PRKCA: variants seen among roughly 807,000 people sequenced by gnomAD.
PRKCA encodes the protein protein kinase C alpha.
Under a neutral mutation model 87.0 loss-of-function variants are expected in PRKCA, and 27 were observed. The observed-to-expected ratio is 0.31, with a 90% confidence interval of 0.23 to 0.43. The LOEUF is 0.43. Among genes scored for constraint, PRKCA ranks in the 20% least tolerant of loss-of-function variants. The probability of loss-of-function intolerance (pLI) is 1.00; values close to 1 mark genes in which losing one functional copy is unlikely to be tolerated. For synonymous variants in PRKCA, 329 were observed against 311.1 expected, an observed-to-expected ratio of 1.06 and a Z score of -0.61; for missense variants, 518 against 852.3, an observed-to-expected ratio of 0.61 and a Z score of 4.88.
intron 3 of PRKCA, among the ~76,000 whole-genome samples, chr17:66,589,210 TC>T (rs1393870443): frequency 1.2e-4 from 18 of 152,146 alleles, no homozygotes; most frequent in Admixed American, 3.3e-4. Flanking sequence ...TAGAAGCAAT[TC>T]ATTTCATTAC....
chr17:66,690,015 CCTT>C (rs1296772949), intron 8 of PRKCA, among the ~76,000 whole-genome samples: 2 of 152,094 alleles, frequency 1.3e-5, no homozygotes, highest in Admixed American at 1.3e-4. Flanking sequence ...CTCCTCTTTT[CCTT>C]CTTCTGTTGT....
At chr17:66,621,119 T>C (rs935145246) in intron 3 of PRKCA, among the ~76,000 whole-genome samples, 1 of 152,222 alleles carries the variant, frequency 6.6e-6, no homozygotes. Flanking sequence ...GACTTTGATG[T>C]TCATCAAGAT....
chr17:66,396,213 A>T (rs1367000666), intron 2 of PRKCA, among the ~76,000 whole-genome samples: 5 of 152,208 alleles, frequency 3.3e-5, no homozygotes, highest in African/African-American at 1.2e-4. Flanking sequence ...TTTCAGGTTC[A>T]GCTGCAAATG....
At chr17:66,505,205 T>C (rs547939759) in intron 3 of PRKCA, among the ~76,000 whole-genome samples, 1 of 152,286 alleles carries the variant, frequency 6.6e-6, no homozygotes, top group South Asian at 2.1e-4. Flanking sequence ...ACCAAATTAA[T>C]TTAGCCGGGA....
chr17:66,527,398 G>A (rs1967382977), intron 3 of PRKCA, among the ~76,000 whole-genome samples: 1 of 152,218 alleles, frequency 6.6e-6, no homozygotes, highest in Non-Finnish European at 1.5e-5. Flanking sequence ...ACAAATTGCA[G>A]ATTAGAGGAC....
In PRKCA at chr17:66,524,303, A is replaced by C. The variant is rs182422712; in HGVS notation, c.288+28020A>C. ...TGTTGCTTGCGATTCAGATTCCTTT[A>C]AAGTTAGCAAAGAGCATTTTTGTTA... On this transcript the variant is annotated intron_variant, in intron 3 of 16. Transcript: ENST00000413366. Among the ~76,000 whole-genome samples the C allele has an allele frequency of 7.2e-5, 11 of 152,322 alleles. No homozygotes were observed. In the East Asian group the frequency reaches 2.1e-3, roughly 29 times the overall value.
At chr17:66,739,319 A>C (rs1974105033) in intron 11 of PRKCA, among the ~76,000 whole-genome samples, 1 of 152,186 alleles carries the variant, frequency 6.6e-6, no homozygotes, top group Non-Finnish European at 1.5e-5. Flanking sequence ...GTTCCTAAGG[A>C]GCAGTTTATT....
intron 2 of PRKCA, among the ~76,000 whole-genome samples, chr17:66,440,780 C>G (rs1295998060): frequency 6.6e-6 from 1 of 152,076 alleles, no homozygotes; most frequent in Non-Finnish European, 1.5e-5. Flanking sequence ...AACCCCAGCA[C>G]TTTGGGAGGC....
intron 8 of PRKCA, among the ~76,000 whole-genome samples, chr17:66,694,174 A>C (rs1972857125): frequency 6.6e-6 from 1 of 152,138 alleles, no homozygotes; most frequent in African/African-American, 2.4e-5. Context: ...TTACAAACTG[A>C]AAAGTAGGCA....
In PRKCA at chr17:66,804,007, T is replaced by C. The variant is rs772561516; in HGVS notation, c.1989T>C (p.Phe663=). Residue 663 remains phenylalanine, a synonymous_variant, in exon 17 of 17, where the codon TTT becomes TTC. Transcript: ENST00000413366. The stretch of plus-strand genomic sequence containing the variant: ...GGTTCTCGTATGTCAACCCCCAGTT[T>C]GTGCACCCCATCTTACAGAGTGCAG... ...FEGFSYVNPQ[F]VHPILQSAV 2 of 1,613,748 alleles carry C rather than the reference T, an allele frequency of 1.2e-6. No homozygotes were observed. Among genetic ancestry groups the C allele is most frequent in the Non-Finnish European group, 1.7e-6 (2 of 1,179,812 alleles).
intron 2 of PRKCA, among the ~76,000 whole-genome samples, chr17:66,380,548 G>A (rs1351299350): frequency 2.0e-5 from 3 of 152,108 alleles, no homozygotes; most frequent in African/African-American, 7.2e-5. Flanking sequence ...TTAGCCACCA[G>A]CATAATCAGT....
chr17:66,796,574 C>T (rs1190456134), intron 16 of PRKCA: 1 of 985,182 alleles, frequency 1.0e-6, no homozygotes. Flanking sequence ...TGTGCCCCTG[C>T]TTGTGTTGGT....
chr17:66,305,948 A>G (rs1342826656), intron 1 of PRKCA, 148 bp from the exon 2 acceptor site: 3 of 723,464 alleles, frequency 4.1e-6, no homozygotes, highest in Non-Finnish European at 7.0e-6. Flanking sequence ...TAATCTGACT[A>G]GATATTTAGG....
chr17:66,349,296 A>G (rs1191768583), intron 2 of PRKCA, among the ~76,000 whole-genome samples: 1 of 152,166 alleles, frequency 6.6e-6, no homozygotes, highest in African/African-American at 2.4e-5. Context: ...TTATAAGAGA[A>G]ATTAAAATTC....
At chr17:66,395,275 A>G (rs915327200) in intron 2 of PRKCA, among the ~76,000 whole-genome samples, 3 of 152,186 alleles carry the variant, frequency 2.0e-5, no homozygotes, top group Non-Finnish European at 4.4e-5. Flanking sequence ...TGGAGATCCA[A>G]TGCAAGATGT....
chr17:66,565,596 C>G (rs1245321433), intron 3 of PRKCA, among the ~76,000 whole-genome samples: 1 of 152,180 alleles, frequency 6.6e-6, no homozygotes, highest in African/African-American at 2.4e-5. Flanking sequence ...GATGCATGGC[C>G]TCTTTCTGGC....
chr17:66,349,699 C>T (rs1038871040), intron 2 of PRKCA, among the ~76,000 whole-genome samples: 7 of 152,214 alleles, frequency 4.6e-5, no homozygotes, highest in East Asian at 1.9e-4. Context: ...CTGCTGACTG[C>T]GCACAAACAC....
intron 2 of PRKCA, among the ~76,000 whole-genome samples, chr17:66,444,333 G>A (rs1036221999): frequency 6.6e-6 from 1 of 152,168 alleles, no homozygotes; most frequent in African/African-American, 2.4e-5. Flanking sequence ...AGATGTGTGT[G>A]CTTTCATAGT....
intron 16 of PRKCA, among the ~76,000 whole-genome samples, chr17:66,793,610 A>AT (rs1975596233): frequency 6.6e-6 from 1 of 151,362 alleles, no homozygotes; most frequent in Non-Finnish European, 1.5e-5. Context: ...AAAAAAAAAA[A>AT]AAAAAACCGG....
Sources: gnomAD v4.1 joint callset for allele counts (sites outside exome capture counted in the v4.1 genomes callset) on GRCh38, gnomAD v4.1.1 for gene constraint, MANE v1.5 for transcripts, NCBI Gene and HGNC (gene_info 2026-07-23, HGNC 2026-07-21) for gene names.